Variants in KIAA1217 observed in about 807,000 individuals in gnomAD.
KIAA1217 encodes the protein KIAA1217, also known as sickle tail protein homolog.
A neutral mutation model predicts 163.9 loss-of-function variants in KIAA1217; 88 were observed. The ratio of observed to expected loss-of-function variants is 0.54; its 90% CI spans 0.45 to 0.64. The LOEUF (loss-of-function observed/expected upper bound fraction) is 0.64. Ranked by LOEUF, KIAA1217 falls within the 30% of genes least tolerant of loss-of-function variation. The probability of loss-of-function intolerance (pLI) is 0.00; values close to 1 mark genes in which losing one functional copy is unlikely to be tolerated. For synonymous variants in KIAA1217, 903 were observed against 923.1 expected, an observed-to-expected ratio of 0.98 and a Z score of 0.39; for missense variants, 2,372 against 2,475.0, an observed-to-expected ratio of 0.96 and a Z score of 0.88.
intron 2 of KIAA1217, among the ~76,000 whole-genome samples, chr10:24,323,444 T>C (rs373062552): frequency 1.3e-5 from 2 of 152,192 alleles, no homozygotes; most frequent in African/African-American, 4.8e-5. Context: ...CCATGAGGCA[T>C]CCCTGAAAGG....
intron 5 of KIAA1217, among the ~76,000 whole-genome samples, chr10:24,444,272 A>C (rs1236911255): frequency 6.6e-6 from 1 of 152,160 alleles, no homozygotes; most frequent in Non-Finnish European, 1.5e-5. Flanking sequence ...TCGGCCTCCT[A>C]AAGTGCTGGA....
At chr10:24,477,551 A>T (rs2064179182) in intron 6 of KIAA1217, among the ~76,000 whole-genome samples, 1 of 152,270 alleles carries the variant, frequency 6.6e-6, no homozygotes, top group South Asian at 2.1e-4. Flanking sequence ...AAACATTTCA[A>T]CCAGAATTCT....
At chr10:24,433,895 C>T (rs2059799776) in intron 4 of KIAA1217, among the ~76,000 whole-genome samples, 1 of 152,120 alleles carries the variant, frequency 6.6e-6, no homozygotes, top group Non-Finnish European at 1.5e-5. Context: ...ATCTTACTTT[C>T]CAGGTGGCCT....
intron 2 of KIAA1217, among the ~76,000 whole-genome samples, chr10:24,352,383 A>T (rs2048558152): frequency 6.6e-6 from 1 of 152,216 alleles, no homozygotes; most frequent in African/African-American, 2.4e-5. Context: ...CAAAGTATGT[A>T]TGTATACTTT....
At chr10:23,704,182 A>G (rs1237792025) in intron 1 of KIAA1217, among the ~76,000 whole-genome samples, 1,362 of 97,098 alleles carry the variant, frequency 0.014, 21 homozygotes, top group African/African-American at 0.053. Flanking sequence ...GTATATATAT[A>G]TATATATATA....
chr10:24,385,569 G>A (rs2053892545), intron 3 of KIAA1217, among the ~76,000 whole-genome samples: 1 of 152,092 alleles, frequency 6.6e-6, no homozygotes, highest in African/African-American at 2.4e-5. Flanking sequence ...AAAGAAGAAA[G>A]GTAAAGAAAG....
intron 2 of KIAA1217, among the ~76,000 whole-genome samples, chr10:24,267,184 C>T (rs2076318098): frequency 6.6e-6 from 1 of 152,170 alleles, no homozygotes; most frequent in South Asian, 2.1e-4. Flanking sequence ...CTTTCCTCTT[C>T]TCCATAAGTA....
chr10:23,948,807 T>G (rs1253759278), intron 1 of KIAA1217, among the ~76,000 whole-genome samples: 1 of 152,138 alleles, frequency 6.6e-6, no homozygotes, highest in Non-Finnish European at 1.5e-5. Flanking sequence ...AGTGAATGAA[T>G]AAATGAGAAA....
At chr10:24,139,217 A>T (rs1300001680) in intron 2 of KIAA1217, among the ~76,000 whole-genome samples, 1 of 152,090 alleles carries the variant, frequency 6.6e-6, no homozygotes, top group East Asian at 1.9e-4. Flanking sequence ...TCCCTAGTTT[A>T]TTGAATGTTC....
At chr10:23,784,086 T>C (rs1835379218) in intron 1 of KIAA1217, among the ~76,000 whole-genome samples, 2 of 152,156 alleles carry the variant, frequency 1.3e-5, no homozygotes, top group South Asian at 4.1e-4. Flanking sequence ...TATTTCTCCC[T>C]TCAGTTCTGA....
chr10:24,120,168 G>C (rs745668090), intron 2 of KIAA1217, among the ~76,000 whole-genome samples: 50 of 152,284 alleles, frequency 3.3e-4, no homozygotes, highest in Admixed American at 5.9e-4. Flanking sequence ...TTTTCACTTA[G>C]GAGAGTGTAT....
intron 1 of KIAA1217, among the ~76,000 whole-genome samples, chr10:24,214,730 C>G (rs1027369605): frequency 6.6e-6 from 1 of 152,180 alleles, no homozygotes; most frequent in Admixed American, 6.5e-5. Flanking sequence ...AAGAGAGCTT[C>G]TCAGCACAAT....
intron 2 of KIAA1217, among the ~76,000 whole-genome samples, chr10:24,331,947 G>A (rs2045733748): frequency 6.6e-6 from 1 of 152,062 alleles, no homozygotes; most frequent in Middle Eastern, 3.2e-3. Flanking sequence ...TTACAGGCGC[G>A]TGCCACCATG....
chr10:23,941,598 C>A (rs181227897), intron 1 of KIAA1217, among the ~76,000 whole-genome samples: 1 of 152,066 alleles, frequency 6.6e-6, no homozygotes, highest in Non-Finnish European at 1.5e-5. Flanking sequence ...ATGACCATCT[C>A]GGGGAGGTGA....
At chr10:23,979,162 C>T (rs978890800) in intron 1 of KIAA1217, among the ~76,000 whole-genome samples, 2 of 152,158 alleles carry the variant, frequency 1.3e-5, no homozygotes, top group African/African-American at 2.4e-5. Flanking sequence ...CACTTTGAGC[C>T]ACTGAAAATA....
intron 2 of KIAA1217, among the ~76,000 whole-genome samples, chr10:24,128,184 T>C (rs1388164270): frequency 6.6e-6 from 1 of 152,192 alleles, no homozygotes; most frequent in Non-Finnish European, 1.5e-5. Flanking sequence ...AGAATTACCA[T>C]CTCAGGCCCT....
At chr10:24,484,241 A>ATTTTTTTTTTTT (rs59233394) in intron 6 of KIAA1217, among the ~76,000 whole-genome samples, 7 of 75,142 alleles carry the variant, frequency 9.3e-5, no homozygotes, top group South Asian at 6.7e-4. Flanking sequence ...ATATATATAT[A>ATTTTTTTTTTTT]TTTTTTTTTT....
chr10:23,938,191 A>G (rs1843613535), intron 1 of KIAA1217, among the ~76,000 whole-genome samples: 3 of 152,202 alleles, frequency 2.0e-5, no homozygotes. Context: ...CAAGACTTGG[A>G]ATAGTCGGTG....
In KIAA1217 at chr10:24,225,130, A is replaced by G. The variant is rs188500966; in HGVS notation, c.354+5221A>G. ...GTGAGCCACCATGCCTGGCCCAATC[A>G]TTTGACTTTTTTATTTTTTCAAGAC... On this transcript the variant is annotated intron_variant, in intron 2 of 20. Transcript: ENST00000376454. Among the ~76,000 whole-genome samples the G allele has an allele frequency of 7.5e-3, 1,135 of 151,824 alleles. 17 individuals carry two copies. Among genetic ancestry groups the G allele is most frequent in the Non-Finnish European group, 9.2e-3 (628 of 67,920 alleles).
Sources: allele counts gnomAD v4.1 joint callset (sites outside exome capture counted in the v4.1 genomes callset), GRCh38; gene constraint gnomAD v4.1.1; transcripts MANE v1.5; gene names NCBI Gene and HGNC (gene_info 2026-07-23, HGNC 2026-07-21).